The following RIMS2 variants were observed in gnomAD, a reference collection of about 807,000 sequenced individuals.
The protein encoded by RIMS2 is regulating synaptic membrane exocytosis protein 2.
Under a neutral mutation model 174.4 loss-of-function variants are expected in RIMS2, and 59 were observed. That is an observed-to-expected ratio of 0.34 (90% CI 0.27 to 0.42). The LOEUF (loss-of-function observed/expected upper bound fraction) is 0.42, where lower values mean the gene tolerates loss of function less well. Among genes scored for constraint, RIMS2 ranks in the 10% least tolerant of loss-of-function variants. The pLI, the probability that RIMS2 is intolerant of heterozygous loss-of-function variation, is 1.00. For missense variants in RIMS2, 1,620 were observed against 1,666.3 expected (o/e 0.97, Z 0.48); for synonymous variants, 606 against 572.5 (o/e 1.06, Z -0.84).
At chr8:103,774,449 A>G (rs1211253300) in intron 3 of RIMS2, among the ~76,000 whole-genome samples, 3 of 152,232 alleles carry the variant, frequency 2.0e-5, no homozygotes, top group East Asian at 3.8e-4. Context: ...AGGAGAATGG[A>G]TAAACAAACT....
intron 2 of RIMS2, among the ~76,000 whole-genome samples, chr8:103,750,584 C>T (rs910169156): frequency 6.6e-6 from 1 of 152,074 alleles, no homozygotes. Flanking sequence ...TTAATAATCC[C>T]CACGTGTCAA....
intron 1 of RIMS2, among the ~76,000 whole-genome samples, chr8:103,692,148 T>G (rs1206880621): frequency 6.6e-6 from 1 of 152,096 alleles, no homozygotes; most frequent in Non-Finnish European, 1.5e-5. Context: ...CTGCGCTGGG[T>G]CAGACCTAAA....
At chr8:103,569,391 A>T (rs1351296532) in intron 1 of RIMS2, among the ~76,000 whole-genome samples, 1 of 152,222 alleles carries the variant, frequency 6.6e-6, no homozygotes, top group Non-Finnish European at 1.5e-5. Context: ...ACTGATCTGA[A>T]AAAAAGCTAA....
chr8:103,530,343 G>A (rs981115043), intron 1 of RIMS2, among the ~76,000 whole-genome samples: 7 of 151,798 alleles, frequency 4.6e-5, no homozygotes, highest in Non-Finnish European at 7.4e-5. Context: ...AACAAGGAGA[G>A]AAAAATAAAC....
chr8:103,569,616 AT>A (rs1359545130), intron 1 of RIMS2, among the ~76,000 whole-genome samples: 24 of 146,590 alleles, frequency 1.6e-4, no homozygotes, highest in South Asian at 2.2e-4. Context: ...TTTCTTTTTG[AT>A]TTTTTTTTTG....
At chr8:104,089,657 A>G (rs1020734455) in intron 19 of RIMS2, among the ~76,000 whole-genome samples, 8 of 151,818 alleles carry the variant, frequency 5.3e-5, no homozygotes, top group Non-Finnish European at 1.5e-5. Context: ...GTCAACAGAG[A>G]AATACATTTG....
intron 1 of RIMS2, among the ~76,000 whole-genome samples, chr8:103,574,203 T>C (rs375970733): frequency 1.3e-5 from 2 of 152,206 alleles, no homozygotes; most frequent in East Asian, 3.8e-4. Flanking sequence ...ACTTACTGGA[T>C]GCTATTCAAA....
At chr8:103,800,756 A>G (rs943507502) in intron 3 of RIMS2, among the ~76,000 whole-genome samples, 2 of 152,106 alleles carry the variant, frequency 1.3e-5, no homozygotes, top group Non-Finnish European at 2.9e-5. Context: ...AATTTTTACA[A>G]TTTATGTTCA....
intron 19 of RIMS2, among the ~76,000 whole-genome samples, chr8:104,017,163 ATC>A (rs2154554414): frequency 6.6e-6 from 1 of 152,058 alleles, no homozygotes; most frequent in African/African-American, 2.4e-5. Context: ...GATATATAAT[ATC>A]TCTTTTAGAA....
At chr8:104,217,428 C>G (rs1029738170) in intron 19 of RIMS2, among the ~76,000 whole-genome samples, 1 of 152,104 alleles carries the variant, frequency 6.6e-6, no homozygotes, top group African/African-American at 2.4e-5. Context: ...ACCACCACAC[C>G]TGGCTAATTT....
intron 19 of RIMS2, among the ~76,000 whole-genome samples, chr8:104,194,442 T>C (rs1290313303): frequency 6.6e-6 from 1 of 152,240 alleles, no homozygotes; most frequent in African/African-American, 2.4e-5. Flanking sequence ...GAATGTAAAA[T>C]TAAAGAAGTT....
At chr8:103,736,847 G>A (rs1016243882) in intron 2 of RIMS2, among the ~76,000 whole-genome samples, 4 of 152,052 alleles carry the variant, frequency 2.6e-5, no homozygotes, top group Admixed American at 6.6e-5. Flanking sequence ...TTGACATTTA[G>A]GTAGAACAGA....
rs554703015 is a variant in RIMS2, at chr8:103,789,409, C to T, written c.698+22872C>T. On this transcript the variant is annotated intron_variant, in intron 3 of 23. Coordinates refer to ENST00000504942, the Ensembl canonical transcript of RIMS2. Reference sequence around the variant, plus strand: ...TAAAGGGCTAACATGATTTATCAGACGCACCTAGGGCCTGATAAAATTAAT... The same window carrying T: ...TAAAGGGCTAACATGATTTATCAGATGCACCTAGGGCCTGATAAAATTAAT... Among the ~76,000 whole-genome samples, 38 of 152,182 alleles carry T rather than the reference C, an allele frequency of 2.5e-4. No individual in the cohort carries two copies. In the South Asian group the frequency reaches 2.9e-3, roughly 12 times the overall value.
chr8:103,687,710 C>T lies in RIMS2; in HGVS notation c.177-9376C>T, dbSNP rs567335093. ...TGGTGATCATAATTCTACCCTCTAC[C>T]TCTATGAGTTGAACTTTTTAAGATT... On this transcript the variant is annotated intron_variant, in intron 1 of 23. Coordinates refer to ENST00000504942, the Ensembl canonical transcript of RIMS2. Among the ~76,000 whole-genome samples, 60 of 152,218 alleles carry T rather than the reference C, an allele frequency of 3.9e-4. 2 individuals are homozygous for T. The South Asian group carries it at 0.011, about 28-fold the overall frequency.
intron 1 of RIMS2, among the ~76,000 whole-genome samples, chr8:103,657,674 G>C (rs2096547377): frequency 6.6e-6 from 1 of 152,174 alleles, no homozygotes; most frequent in Admixed American, 6.5e-5. Flanking sequence ...AAAGCAAAGG[G>C]AGGATCTGAT....
intron 1 of RIMS2, among the ~76,000 whole-genome samples, chr8:103,578,470 G>T (rs1222186065): frequency 2.6e-5 from 4 of 151,956 alleles, no homozygotes; most frequent in African/African-American, 9.7e-5. Context: ...GTTGAAGGTT[G>T]CAGTGAGCCA....
At chr8:104,064,130 A>G (rs974082851) in intron 19 of RIMS2, among the ~76,000 whole-genome samples, 2 of 152,200 alleles carry the variant, frequency 1.3e-5, no homozygotes, top group African/African-American at 4.8e-5. Flanking sequence ...AGCTTTATCA[A>G]TATAACTTTA....
At chr8:103,505,721 C>T (rs1452300211) in intron 1 of RIMS2, among the ~76,000 whole-genome samples, 3 of 152,094 alleles carry the variant, frequency 2.0e-5, no homozygotes. Flanking sequence ...GTGGTGTGTA[C>T]TAAGGGGACT....
At chr8:103,667,930 C>T (rs530206557) in intron 1 of RIMS2, among the ~76,000 whole-genome samples, 1 of 152,250 alleles carries the variant, frequency 6.6e-6, no homozygotes, top group Admixed American at 6.5e-5. Flanking sequence ...GTGGCAGGGG[C>T]AGTCTTTCCT....
Sources: allele counts gnomAD v4.1 joint callset (sites outside exome capture counted in the v4.1 genomes callset), GRCh38; gene constraint gnomAD v4.1.1; transcripts MANE v1.5; gene names NCBI Gene and HGNC (gene_info 2026-07-23, HGNC 2026-07-21).